Variants in RIMBP2 observed in about 807,000 individuals in gnomAD.
The protein encoded by RIMBP2 is RIMS binding protein 2.
Under a neutral mutation model 118.6 loss-of-function variants are expected in RIMBP2, and 48 were observed. The ratio of observed to expected loss-of-function variants is 0.40; its 90% CI spans 0.32 to 0.51. The LOEUF is 0.51. Ranked by LOEUF, RIMBP2 falls within the 20% of genes least tolerant of loss-of-function variation. The pLI is 0.41. For missense variants in RIMBP2, 1,551 were observed against 1,768.3 expected (o/e 0.88, Z 2.20); for synonymous variants, 762 against 742.9 (o/e 1.03, Z -0.42).
At chr12:130,520,058 C>T (rs952289675) in intron 2 of RIMBP2, among the ~76,000 whole-genome samples, 2 of 152,148 alleles carry the variant, frequency 1.3e-5, no homozygotes, top group East Asian at 1.9e-4. Context: ...CTCTCTGCAT[C>T]GCATTTAGGA....
chr12:130,592,561 C>T lies in RIMBP2; in HGVS notation c.-217+35761G>A, dbSNP rs1010235037. Among the ~76,000 whole-genome samples the T allele has an allele frequency of 7.9e-5, 12 of 152,060 alleles. No homozygotes were observed. The East Asian group carries it at 2.1e-3, about 27-fold the overall frequency. On this transcript the variant is annotated intron_variant, in intron 2 of 22. Transcript: ENST00000690449. ...AAAATTAGCTGGGCTCAGTGGCAGGCGCCTGTAATCCCAGCTACTCAGGAG... is the reference window on the plus strand; with the variant it reads ...AAAATTAGCTGGGCTCAGTGGCAGGTGCCTGTAATCCCAGCTACTCAGGAG...
rs896027584 is a variant in RIMBP2, at chr12:130,475,419, C to T, written c.102+3493G>A. Among the ~76,000 whole-genome samples, 1 of 152,190 alleles carries T rather than the reference C, an allele frequency of 6.6e-6. No homozygotes were observed. Among genetic ancestry groups the T allele is most frequent in the African/African-American group, 2.4e-5 (1 of 41,438 alleles). On this transcript the variant is annotated intron_variant, in intron 5 of 22. Transcript: ENST00000690449. This position sits in a 1 kb window ranked among gnomAD's most constrained non-coding sequence, Gnocchi z 4.1. The stretch of plus-strand genomic sequence containing the variant: ...GATCCCACCAAGGAATCTCTAAGTA[C>T]TGCACAATGTGGCACAATCCACCTG...
intron 2 of RIMBP2, among the ~76,000 whole-genome samples, chr12:130,550,562 G>C (rs574786987): frequency 1.3e-5 from 2 of 152,342 alleles, no homozygotes; most frequent in African/African-American, 4.8e-5. Flanking sequence ...GCTGGGTAAA[G>C]AGTATACTCC....
intron 1 of RIMBP2, among the ~76,000 whole-genome samples, chr12:130,666,394 G>A (rs1446221734): frequency 1.3e-5 from 2 of 152,060 alleles, no homozygotes; most frequent in Admixed American, 6.6e-5. Context: ...GCAATACAAC[G>A]GCACCAAGCA....
intron 1 of RIMBP2, among the ~76,000 whole-genome samples, chr12:130,646,346 A>ACCACTTGCCTCT (rs1566423192): frequency 4.0e-5 from 2 of 50,294 alleles, no homozygotes; most frequent in Admixed American, 1.7e-4. Context: ...CACCTCCCTC[A>ACCACTTGCCTCT]CCACCTCCCT....
intron 4 of RIMBP2, among the ~76,000 whole-genome samples, chr12:130,485,669 C>T (rs7957698): frequency 2.0e-5 from 3 of 152,152 alleles, no homozygotes; most frequent in Admixed American, 1.3e-4. Flanking sequence ...AAGTTGTTAG[C>T]GAGAGGAGGG....
chr12:130,603,829 G>T (rs2060005758), intron 2 of RIMBP2, among the ~76,000 whole-genome samples: 1 of 152,214 alleles, frequency 6.6e-6, no homozygotes, highest in Non-Finnish European at 1.5e-5. Context: ...TAGCACATAT[G>T]ATCCTGCAAA....
intron 14 of RIMBP2, among the ~76,000 whole-genome samples, chr12:130,433,040 A>G (rs73152903): frequency 0.057 from 8,638 of 152,162 alleles, 337 homozygotes; most frequent in Middle Eastern, 0.078. Flanking sequence ...ACGCTGCAAG[A>G]AAACCCACAC....
intron 5 of RIMBP2, among the ~76,000 whole-genome samples, chr12:130,470,976 T>C (rs183029661): frequency 6.6e-6 from 1 of 152,342 alleles, no homozygotes; most frequent in Admixed American, 6.5e-5. Context: ...CACAGATTAT[T>C]TCTTCACCCA....
At chr12:130,415,755 A>C (rs572920824) in intron 17 of RIMBP2, among the ~76,000 whole-genome samples, 17 of 152,178 alleles carry the variant, frequency 1.1e-4, no homozygotes, top group Non-Finnish European at 2.1e-4. Context: ...GGAAATAAGA[A>C]GTCAAATTAT....
intron 1 of RIMBP2, among the ~76,000 whole-genome samples, chr12:130,638,696 G>A (rs1342907199): frequency 1.3e-5 from 2 of 152,008 alleles, no homozygotes; most frequent in Non-Finnish European, 2.9e-5. Flanking sequence ...ACTGATCCCT[G>A]GTGCCAAAAA....
At chr12:130,448,159 T>C (rs1786366134) in intron 9 of RIMBP2, among the ~76,000 whole-genome samples, 3 of 148,086 alleles carry the variant, frequency 2.0e-5, no homozygotes, top group Non-Finnish European at 4.5e-5. Context: ...ACCAGTAAAA[T>C]AGGAATACCA....
chr12:130,610,812 G>A (rs1486095173), intron 2 of RIMBP2, among the ~76,000 whole-genome samples: 5 of 151,746 alleles, frequency 3.3e-5, no homozygotes, highest in South Asian at 4.2e-4. Context: ...CGCCCGCCTC[G>A]GCCTCCCAAA....
chr12:130,464,086 G>A (rs6486541), intron 6 of RIMBP2, among the ~76,000 whole-genome samples: 2 of 152,034 alleles, frequency 1.3e-5, no homozygotes, highest in South Asian at 2.1e-4. Context: ...ACCCTCCCCC[G>A]ACAAAAACTC....
intron 4 of RIMBP2, among the ~76,000 whole-genome samples, chr12:130,499,680 T>C (rs1462271016): frequency 6.6e-6 from 1 of 152,176 alleles, no homozygotes; most frequent in Non-Finnish European, 1.5e-5. Context: ...CCTCCCTGGC[T>C]TCATCCAGGT....
intron 1 of RIMBP2, among the ~76,000 whole-genome samples, chr12:130,671,969 T>C (rs1263628536): frequency 1.3e-5 from 2 of 152,214 alleles, no homozygotes; most frequent in Non-Finnish European, 1.5e-5. Context: ...CATGATGCTA[T>C]GGTCAGTGGG....
At chr12:130,664,251 C>T (rs2063773519) in intron 1 of RIMBP2, among the ~76,000 whole-genome samples, 1 of 151,438 alleles carries the variant, frequency 6.6e-6, no homozygotes, top group African/African-American at 2.4e-5. Context: ...AGTTGAAATA[C>T]AGAAAGAGGA....
intron 2 of RIMBP2, among the ~76,000 whole-genome samples, chr12:130,547,710 A>C (rs534727072): frequency 6.6e-6 from 1 of 152,300 alleles, no homozygotes; most frequent in East Asian, 1.9e-4. Flanking sequence ...GCGATTCCCA[A>C]CTGGTTCTTC....
At position 130,428,429 on chromosome 12, in the gene RIMBP2, G is replaced by T. The variant is rs892194800; in HGVS notation, c.2254-92C>A. ...AGCTTGCCAACCCTTTCCCTGCTTC[G>T]CTGACTCACGGGGCTCACAGGCCTA... is the stretch of plus-strand genomic sequence containing the variant. On this transcript the variant is annotated intron_variant, in intron 14 of 22. Transcript: ENST00000690449. 22 of 1,360,888 alleles carry T rather than the reference G, an allele frequency of 1.6e-5. No homozygotes were observed. In the Admixed American group the frequency reaches 3.6e-4, roughly 22 times the overall value. The allele number at this position is 1,360,888 out of a possible 1,614,324, so 84.3% of individuals were successfully genotyped here. A position where few individuals can be genotyped will look rare whatever the true frequency, so the allele number is the denominator to read the frequency against.
Sources: gnomAD v4.1 joint callset for allele counts (sites outside exome capture counted in the v4.1 genomes callset) on GRCh38, gnomAD v4.1.1 for gene constraint, Gnocchi (gnomAD v3.1) non-coding constraint, MANE v1.5 for transcripts, NCBI Gene and HGNC (gene_info 2026-07-23, HGNC 2026-07-21) for gene names.